Variants in KCNH5 observed in about 807,000 individuals in gnomAD.
KCNH5 encodes voltage-gated delayed rectifier potassium channel KCNH5.
Under a neutral mutation model 96.1 loss-of-function variants are expected in KCNH5, and 46 were observed. The observed-to-expected ratio is 0.48, with a 90% CI of 0.38 to 0.61. The LOEUF is 0.61. KCNH5 is among the 20% of genes least tolerant of loss of function. KCNH5 has a pLI of 0.00. For missense variants in KCNH5, 907 were observed against 1,225.8 expected (o/e 0.74, Z 3.88); for synonymous variants, 439 against 449.8 (o/e 0.98, Z 0.30).
At chr14:62,894,339 T>C (rs1324289705) in intron 7 of KCNH5, among the ~76,000 whole-genome samples, 3 of 152,172 alleles carry the variant, frequency 2.0e-5, no homozygotes, top group Non-Finnish European at 4.4e-5. Flanking sequence ...AGATCTATAC[T>C]CCTATGGACC....
chr14:62,725,292 A>G (rs146836302), intron 10 of KCNH5, among the ~76,000 whole-genome samples: 1 of 152,266 alleles, frequency 6.6e-6, no homozygotes, highest in East Asian at 1.9e-4. Context: ...TAGATCTCCC[A>G]CTGTCATATT....
chr14:62,991,967 C>G (rs1390664460), intron 4 of KCNH5, among the ~76,000 whole-genome samples: 2 of 152,042 alleles, frequency 1.3e-5, no homozygotes, highest in East Asian at 1.9e-4. Flanking sequence ...TTCTCATCAT[C>G]CACCCTCTCC....
chr14:62,867,874 T>C (rs1266309821), intron 7 of KCNH5, among the ~76,000 whole-genome samples: 5 of 152,110 alleles, frequency 3.3e-5, no homozygotes, highest in Non-Finnish European at 7.4e-5. Context: ...TTCATTCAGG[T>C]CTCCTAAATG....
At chr14:62,935,144 C>T (rs1889654852) in intron 7 of KCNH5, among the ~76,000 whole-genome samples, 1 of 152,184 alleles carries the variant, frequency 6.6e-6, no homozygotes, top group African/African-American at 2.4e-5. Flanking sequence ...AAATCAGTCA[C>T]ATGTTCATTC....
intron 10 of KCNH5, among the ~76,000 whole-genome samples, chr14:62,746,118 C>T (rs566952127): frequency 4.6e-5 from 7 of 152,280 alleles, no homozygotes; most frequent in Admixed American, 2.0e-4. Context: ...AATTTTCTCA[C>T]GACCTGGCTC....
At chr14:62,803,763 G>A (rs1411748104) in intron 8 of KCNH5, among the ~76,000 whole-genome samples, 1 of 152,136 alleles carries the variant, frequency 6.6e-6, no homozygotes, top group Non-Finnish European at 1.5e-5. Flanking sequence ...AGATGTGATT[G>A]CGGAAGTTAA....
At chr14:62,753,965 G>A (rs1034388188) in intron 10 of KCNH5, among the ~76,000 whole-genome samples, 2 of 152,134 alleles carry the variant, frequency 1.3e-5, no homozygotes, top group Non-Finnish European at 1.5e-5. Context: ...CATTGCAATT[G>A]TGCTGTGTAA....
At chr14:62,844,615 TA>T (rs1161404594) in intron 8 of KCNH5, among the ~76,000 whole-genome samples, 1 of 152,078 alleles carries the variant, frequency 6.6e-6, no homozygotes, top group Non-Finnish European at 1.5e-5. Flanking sequence ...CTATTAAATT[TA>T]AAAAAAATCT....
intron 1 of KCNH5, 124 bp from the exon 2 acceptor site, chr14:63,017,078 A>G (rs947424609): frequency 1.7e-5 from 16 of 916,446 alleles, no homozygotes; most frequent in African/African-American, 1.7e-5. Context: ...AATTGTACAA[A>G]TAATATAACC....
At chr14:62,910,941 A>ACACACACCCCC (rs61033705) in intron 7 of KCNH5, among the ~76,000 whole-genome samples, 5 of 140,886 alleles carry the variant, frequency 3.5e-5, no homozygotes, top group East Asian at 4.2e-4. Flanking sequence ...ACACACACAC[A>ACACACACCCCC]CCCCTCTGTT....
intron 10 of KCNH5, among the ~76,000 whole-genome samples, chr14:62,733,189 T>C (rs1479037058): frequency 6.6e-6 from 1 of 152,138 alleles, no homozygotes; most frequent in Admixed American, 6.6e-5. Flanking sequence ...TAATAGTTTA[T>C]ATAATATAGT....
At chr14:62,760,163 T>G (rs2139954642) in intron 10 of KCNH5, among the ~76,000 whole-genome samples, 1 of 152,326 alleles carries the variant, frequency 6.6e-6, no homozygotes, top group South Asian at 2.1e-4. Flanking sequence ...ACTATCACAC[T>G]CTACAATGGC....
chr14:62,969,408 A>T (rs2139554856), intron 6 of KCNH5, among the ~76,000 whole-genome samples: 1 of 152,356 alleles, frequency 6.6e-6, no homozygotes, highest in East Asian at 1.9e-4. Context: ...AAGCAGAAAT[A>T]AATGAAATTG....
chr14:62,873,662 A>G (rs1888308426), intron 7 of KCNH5, among the ~76,000 whole-genome samples: 2 of 152,226 alleles, frequency 1.3e-5, no homozygotes, highest in South Asian at 4.1e-4. Context: ...AAAGATTTAT[A>G]GAAGAAAATA....
intron 10 of KCNH5, among the ~76,000 whole-genome samples, chr14:62,759,330 A>AT (rs767179137): frequency 3.9e-5 from 6 of 152,000 alleles, no homozygotes; most frequent in Admixed American, 2.0e-4. Context: ...AATTAGGCAT[A>AT]TTTTTTCTGA....
At chr14:62,796,955 A>G (rs1297121151) in intron 9 of KCNH5, among the ~76,000 whole-genome samples, 1 of 152,150 alleles carries the variant, frequency 6.6e-6, no homozygotes, top group Non-Finnish European at 1.5e-5. Flanking sequence ...AAGGAGGCAA[A>G]TCAGATATGC....
At chr14:63,017,184 C>T (rs1315366996) in intron 1 of KCNH5, among the ~76,000 whole-genome samples, 1 of 151,806 alleles carries the variant, frequency 6.6e-6, no homozygotes, top group South Asian at 2.1e-4. Context: ...TTAAACGAAA[C>T]CAGTTTATAA....
At chr14:62,788,046 G>A (rs923729357) in intron 9 of KCNH5, among the ~76,000 whole-genome samples, 4 of 152,144 alleles carry the variant, frequency 2.6e-5, no homozygotes, top group Admixed American at 2.0e-4. Context: ...TACTGGTAAG[G>A]CTATAGCTGT....
chr14:62,844,279 G>A (rs552726065), intron 8 of KCNH5, among the ~76,000 whole-genome samples: 1 of 151,530 alleles, frequency 6.6e-6, no homozygotes, highest in Non-Finnish European at 1.5e-5. Context: ...TAAGGTTTTA[G>A]ACCTTTCATT....
Sources: gnomAD v4.1 joint callset for allele counts (sites outside exome capture counted in the v4.1 genomes callset) on GRCh38, gnomAD v4.1.1 for gene constraint, MANE v1.5 for transcripts, NCBI Gene and HGNC (gene_info 2026-07-23, HGNC 2026-07-21) for gene names.